Variants in PRKCA observed in about 807,000 individuals in gnomAD.
PRKCA encodes protein kinase C alpha type.
A neutral mutation model predicts 87.0 loss-of-function variants in PRKCA; 27 were observed. That is an observed-to-expected ratio of 0.31 (90% CI 0.23 to 0.43). The LOEUF (loss-of-function observed/expected upper bound fraction) is 0.43. Among genes scored for constraint, PRKCA ranks in the 20% least tolerant of loss-of-function variants. PRKCA has a pLI of 1.00. For synonymous variants in PRKCA, 329 were observed against 311.1 expected, an observed-to-expected ratio of 1.06 and a Z score of -0.61; for missense variants, 518 against 852.3, an observed-to-expected ratio of 0.61 and a Z score of 4.88.
intron 13 of PRKCA, among the ~76,000 whole-genome samples, chr17:66,755,968 GAACAGAAACCT>G (rs1362727889): frequency 1.3e-5 from 2 of 152,166 alleles, no homozygotes; most frequent in East Asian, 3.9e-4. Flanking sequence ...CAACTTACCA[GAACAGAAACCT>G]CCCTGGCTAC....
intron 3 of PRKCA, among the ~76,000 whole-genome samples, chr17:66,625,920 C>T (rs546548908): frequency 1.3e-5 from 2 of 152,300 alleles, no homozygotes; most frequent in Admixed American, 1.3e-4. Context: ...TCTCCATGGT[C>T]GTATCACAAG....
At chr17:66,480,569 C>T (rs1237691721) in intron 2 of PRKCA, among the ~76,000 whole-genome samples, 1 of 152,164 alleles carries the variant, frequency 6.6e-6, no homozygotes, top group Non-Finnish European at 1.5e-5. Flanking sequence ...AAAATTGCCA[C>T]TGCATTATGG....
At chr17:66,640,627 T>C (rs1971265284) in intron 3 of PRKCA, among the ~76,000 whole-genome samples, 1 of 152,232 alleles carries the variant, frequency 6.6e-6, no homozygotes, top group Non-Finnish European at 1.5e-5. Context: ...AGAGGAGATC[T>C]CCTGAATGAT....
At chr17:66,451,830 A>G (rs928623910) in intron 2 of PRKCA, among the ~76,000 whole-genome samples, 2 of 152,138 alleles carry the variant, frequency 1.3e-5, no homozygotes, top group African/African-American at 4.8e-5. Context: ...TGAACCTTGG[A>G]TTTCCTGTAC....
chr17:66,449,166 G>A (rs1412112688), intron 2 of PRKCA, among the ~76,000 whole-genome samples: 1 of 152,014 alleles, frequency 6.6e-6, no homozygotes, highest in African/African-American at 2.4e-5. Context: ...GCATGTGCCT[G>A]TAGGCCTAGC....
chr17:66,400,324 G>A (rs1910947484), intron 2 of PRKCA, among the ~76,000 whole-genome samples: 1 of 152,142 alleles, frequency 6.6e-6, no homozygotes, highest in Non-Finnish European at 1.5e-5. Context: ...GCTAATTTTT[G>A]CATTTTTAGT....
chr17:66,511,501 T>G (rs1380881603), intron 3 of PRKCA, among the ~76,000 whole-genome samples: 1 of 152,108 alleles, frequency 6.6e-6, no homozygotes, highest in African/African-American at 2.4e-5. Flanking sequence ...TTTTCCCCAT[T>G]AAGAATTGGT....
chr17:66,632,557 T>G (rs939016668), intron 3 of PRKCA, among the ~76,000 whole-genome samples: 1 of 152,148 alleles, frequency 6.6e-6, no homozygotes, highest in African/African-American at 2.4e-5. Flanking sequence ...TTTTTTTTTT[T>G]TAAGTAGAGA....
intron 2 of PRKCA, among the ~76,000 whole-genome samples, chr17:66,319,666 G>A (rs1269476622): frequency 3.9e-5 from 6 of 152,000 alleles, no homozygotes; most frequent in African/African-American, 1.4e-4. Flanking sequence ...ACATGACATT[G>A]GGTTTTAATA....
intron 6 of PRKCA, 148 bp from the exon 7 acceptor site, chr17:66,688,154 C>T: frequency 1.1e-6 from 1 of 935,878 alleles, no homozygotes; most frequent in Admixed American, 2.7e-5. Flanking sequence ...TAGCGCTTTG[C>T]TTGCCAGCAT....
intron 3 of PRKCA, among the ~76,000 whole-genome samples, chr17:66,624,525 G>A (rs977699771): frequency 6.6e-6 from 1 of 152,328 alleles, no homozygotes; most frequent in Non-Finnish European, 1.5e-5. Flanking sequence ...ATTTGGCCAG[G>A]CGTGGTGGCT....
chr17:66,670,141 A>G (rs1157468850), intron 5 of PRKCA, among the ~76,000 whole-genome samples: 1 of 152,220 alleles, frequency 6.6e-6, no homozygotes, highest in Non-Finnish European at 1.5e-5. Flanking sequence ...ATTCTCAGAG[A>G]TGCAAGAGCT....
intron 13 of PRKCA, among the ~76,000 whole-genome samples, chr17:66,753,619 A>T (rs940711802): frequency 6.6e-6 from 1 of 152,128 alleles, no homozygotes; most frequent in Non-Finnish European, 1.5e-5. Flanking sequence ...CCACCCCACA[A>T]ATCCGTGTGC....
chr17:66,429,032 TAAAG>T (rs757957046), intron 2 of PRKCA, among the ~76,000 whole-genome samples: 1 of 152,244 alleles, frequency 6.6e-6, no homozygotes, highest in Admixed American at 6.5e-5. Context: ...TTGGGGGTGA[TAAAG>T]AACACCTTTT....
intron 2 of PRKCA, among the ~76,000 whole-genome samples, chr17:66,489,092 T>C (rs1916106080): frequency 6.6e-6 from 1 of 151,966 alleles, no homozygotes; most frequent in African/African-American, 2.4e-5. Context: ...CATTTTTGTA[T>C]TTAAAAAAAA....
chr17:66,534,184 C>T (rs1967679096), intron 3 of PRKCA, among the ~76,000 whole-genome samples: 1 of 151,144 alleles, frequency 6.6e-6, no homozygotes, highest in Non-Finnish European at 1.5e-5. Flanking sequence ...TTTGTATTTG[C>T]ATATTCCCCT....
intron 3 of PRKCA, among the ~76,000 whole-genome samples, chr17:66,504,282 T>A (rs921761451): frequency 6.6e-6 from 1 of 151,654 alleles, no homozygotes; most frequent in Non-Finnish European, 1.5e-5. Flanking sequence ...AGGCAAAGAG[T>A]TGTACTATAA....
At chr17:66,418,325 C>G (rs762267153) in intron 2 of PRKCA, among the ~76,000 whole-genome samples, 2 of 152,044 alleles carry the variant, frequency 1.3e-5, no homozygotes, top group Non-Finnish European at 2.9e-5. Context: ...GTTTTTACTC[C>G]GACTACTGAA....
intron 2 of PRKCA, among the ~76,000 whole-genome samples, chr17:66,443,632 C>T (rs1913882485): frequency 6.6e-6 from 1 of 152,174 alleles, no homozygotes; most frequent in South Asian, 2.1e-4. Flanking sequence ...GCTGTGCTGC[C>T]TGCCCTGAAA....
Sources: allele counts gnomAD v4.1 joint callset (sites outside exome capture counted in the v4.1 genomes callset), GRCh38; gene constraint gnomAD v4.1.1; transcripts MANE v1.5; gene names NCBI Gene and HGNC (gene_info 2026-07-23, HGNC 2026-07-21).